Variants in CDH13 observed in about 807,000 individuals in gnomAD.
The protein encoded by CDH13 is cadherin-13.
A neutral mutation model predicts 63.8 loss-of-function variants in CDH13; 24 were observed. That is an observed-to-expected ratio of 0.38 (90% CI 0.27 to 0.53). CDH13 has a LOEUF of 0.53. CDH13 is among the 20% of genes least tolerant of loss of function. The pLI is 0.85. For synonymous variants in CDH13, 503 were observed against 355.3 expected (o/e 1.42, Z -4.67); for missense variants, 1,049 against 903.1 (o/e 1.16, Z -2.07).
chr16:83,034,803 CA>C (rs1244016718), intron 3 of CDH13, among the ~76,000 whole-genome samples: 23 of 152,316 alleles, frequency 1.5e-4, no homozygotes, highest in African/African-American at 5.1e-4. Context: ...TATGAAAACT[CA>C]GCCACGCATT....
chr16:82,652,712 T>G (rs1162760034), intron 1 of CDH13, among the ~76,000 whole-genome samples: 4 of 152,082 alleles, frequency 2.6e-5, no homozygotes, highest in Admixed American at 6.5e-5. Context: ...AATTGTTTTT[T>G]TTTTTTTTTT....
At chr16:83,591,799 C>A (rs1056055200) in intron 7 of CDH13, among the ~76,000 whole-genome samples, 2 of 152,230 alleles carry the variant, frequency 1.3e-5, no homozygotes, top group Non-Finnish European at 2.9e-5. Flanking sequence ...CAAGCCGTGG[C>A]TTCCTTGAAG....
intron 3 of CDH13, among the ~76,000 whole-genome samples, chr16:83,059,632 A>G (rs538158158): frequency 6.6e-6 from 1 of 152,250 alleles, no homozygotes; most frequent in East Asian, 1.9e-4. Flanking sequence ...TTGCATGACA[A>G]GTCAGTCAGG....
intron 2 of CDH13, among the ~76,000 whole-genome samples, chr16:83,026,225 A>G (rs1475032663): frequency 1.3e-5 from 2 of 152,234 alleles, no homozygotes; most frequent in Non-Finnish European, 2.9e-5. Flanking sequence ...CAAGGGGGCC[A>G]TGTTGGGGCA....
At position 83,797,357 on chromosome 16, in the gene CDH13, G is replaced by A. The variant is rs986962001; in HGVS notation, c.*2327G>A. 2.6e-5 allele frequency: 4 copies of A among 152,168 alleles called. No individual in the cohort carries two copies. The highest frequency in any genetic ancestry group is 2.9e-5 in the Non-Finnish European group (2 of 68,038). 9.4% of individuals were successfully genotyped at this position (152,168 alleles called of 1,614,324 possible). On this transcript the variant is annotated 3_prime_UTR_variant, in exon 14 of 14. Transcript: ENST00000567109. ...TAGGCTCTCCTGCACTTTGTGAACCGAACCAGAAGATTAACTTCGCTGAAA... is the reference window on the plus strand; with the variant it reads ...TAGGCTCTCCTGCACTTTGTGAACCAAACCAGAAGATTAACTTCGCTGAAA...
chr16:83,467,361 A>G (rs934687940), intron 6 of CDH13, among the ~76,000 whole-genome samples: 1 of 152,178 alleles, frequency 6.6e-6, no homozygotes, highest in Non-Finnish European at 1.5e-5. Context: ...CAGCAAGCCC[A>G]TGAAAGAGCT....
chr16:83,195,561 A>C (rs1368173122), intron 4 of CDH13, among the ~76,000 whole-genome samples: 3 of 152,148 alleles, frequency 2.0e-5, no homozygotes. Flanking sequence ...CTCTATCACG[A>C]GAATAGCACT....
At chr16:83,649,541 A>G (rs1275103740) in intron 8 of CDH13, among the ~76,000 whole-genome samples, 1 of 152,052 alleles carries the variant, frequency 6.6e-6, no homozygotes, top group Non-Finnish European at 1.5e-5. Flanking sequence ...AAGGAGAAAT[A>G]AGTTGATGTG....
chr16:82,788,393 C>A (rs1292102179), intron 1 of CDH13, among the ~76,000 whole-genome samples: 6 of 152,256 alleles, frequency 3.9e-5, no homozygotes, highest in East Asian at 3.9e-4. Flanking sequence ...GGACGACCGC[C>A]CTGATGTGGT....
Position 83,796,605 on chromosome 16 carries a change from C to T in CDH13, c.*1575C>T, listed in dbSNP as rs1320972418. 1 of 152,078 alleles carries T rather than the reference C, an allele frequency of 6.6e-6. No homozygotes were observed. The highest frequency in any genetic ancestry group is 2.4e-5 in the African/African-American group (1 of 41,392). 9.4% of individuals were successfully genotyped at this position (152,078 alleles called of 1,614,324 possible). On this transcript the variant is annotated 3_prime_UTR_variant, in exon 14 of 14. Coordinates refer to ENST00000567109, the MANE Select transcript of CDH13 (RefSeq NM_001257.5). Reference sequence around the variant, plus strand: ...GGTATTGGTGGTTAAAACTGCTGGACAGTAACTGTTCTCTGATTTCTATCT... The same window carrying T: ...GGTATTGGTGGTTAAAACTGCTGGATAGTAACTGTTCTCTGATTTCTATCT...
At chr16:83,411,686 CT>C (rs2092128322) in intron 6 of CDH13, among the ~76,000 whole-genome samples, 1 of 152,134 alleles carries the variant, frequency 6.6e-6, no homozygotes, top group Non-Finnish European at 1.5e-5. Context: ...ACCTTTTGTT[CT>C]CTGATATGTC....
intron 8 of CDH13, among the ~76,000 whole-genome samples, chr16:83,655,449 G>A (rs1428967483): frequency 6.6e-6 from 1 of 152,206 alleles, no homozygotes; most frequent in East Asian, 1.9e-4. Flanking sequence ...ACTGAGCAGA[G>A]GCCCGAATGG....
chr16:82,807,418 C>G (rs1054568321), intron 1 of CDH13, among the ~76,000 whole-genome samples: 2 of 152,042 alleles, frequency 1.3e-5, no homozygotes, highest in Non-Finnish European at 2.9e-5. Context: ...GGTCTGGTAG[C>G]TGAGAATAGC....
chr16:82,911,934 C>G (rs543647517), intron 2 of CDH13, among the ~76,000 whole-genome samples: 1 of 152,132 alleles, frequency 6.6e-6, no homozygotes, highest in African/African-American at 2.4e-5. Context: ...CTTGTTGAAC[C>G]ACCCGGCACT....
intron 6 of CDH13, among the ~76,000 whole-genome samples, chr16:83,355,712 T>C (rs941422680): frequency 6.6e-6 from 1 of 152,188 alleles, no homozygotes; most frequent in Non-Finnish European, 1.5e-5. Flanking sequence ...GAATGGATGC[T>C]GACTCTGTAG....
At chr16:83,405,679 A>C (rs796852753) in intron 6 of CDH13, among the ~76,000 whole-genome samples, 9 of 152,312 alleles carry the variant, frequency 5.9e-5, no homozygotes, top group African/African-American at 2.2e-4. Flanking sequence ...ATTTTAGCGA[A>C]TATTTTTATT....
intron 2 of CDH13, among the ~76,000 whole-genome samples, chr16:83,001,290 C>G (rs1912902191): frequency 6.6e-6 from 1 of 152,214 alleles, no homozygotes; most frequent in African/African-American, 2.4e-5. Flanking sequence ...GCATTTCTAG[C>G]CTTCTATTGG....
intron 6 of CDH13, among the ~76,000 whole-genome samples, chr16:83,351,926 C>G (rs1039937505): frequency 1.3e-5 from 2 of 152,202 alleles, no homozygotes; most frequent in African/African-American, 4.8e-5. Flanking sequence ...CACTCAGTAT[C>G]TACAAGTTTT....
At chr16:83,228,022 G>T (rs912513790) in intron 5 of CDH13, among the ~76,000 whole-genome samples, 1 of 152,162 alleles carries the variant, frequency 6.6e-6, no homozygotes, top group Non-Finnish European at 1.5e-5. Context: ...AAAGATATAG[G>T]GTGGTGGGAG....
Sources: allele counts gnomAD v4.1 joint callset (sites outside exome capture counted in the v4.1 genomes callset), GRCh38; gene constraint gnomAD v4.1.1; transcripts MANE v1.5; gene names NCBI Gene and HGNC (gene_info 2026-07-23, HGNC 2026-07-21).